DTYMK: variants seen among roughly 807,000 people sequenced by gnomAD.
DTYMK encodes the protein thymidylate kinase.
A neutral mutation model predicts 20.3 loss-of-function variants in DTYMK; 20 were observed. The observed-to-expected ratio is 0.99, with a 90% confidence interval of 0.69 to 1.43. The LOEUF is 1.43. Among genes scored for constraint, DTYMK ranks in the 40% most tolerant of loss-of-function variants. DTYMK has a pLI of 0.00. For missense variants in DTYMK, 320 were observed against 291.1 expected, an observed-to-expected ratio of 1.10 and a Z score of -0.72; for synonymous variants, 148 against 124.4, an observed-to-expected ratio of 1.19 and a Z score of -1.27.
In DTYMK at chr2:241,676,039, C is replaced by T; in HGVS notation, c.*88G>A. Reference sequence around the variant, plus strand: ...GAAAGAGCTCCTGAAGTTGTGGGGTCTGGACTCTGCTGGGGACGGGGCCTT... The same window carrying T: ...GAAAGAGCTCCTGAAGTTGTGGGGTTTGGACTCTGCTGGGGACGGGGCCTT... On this transcript the variant is annotated 3_prime_UTR_variant, in exon 5 of 5. Coordinates refer to ENST00000305784, the MANE Select transcript of DTYMK (RefSeq NM_012145.4). 7.9e-7 allele frequency: 1 copy of T among 1,259,452 alleles called. No homozygotes were observed. The highest frequency in any genetic ancestry group is 2.6e-5 in the East Asian group (1 of 38,370). The allele number at this position is 1,259,452 out of a possible 1,614,324, so 78.0% of individuals were successfully genotyped here. A position where few individuals can be genotyped will look rare whatever the true frequency, so the allele number is the denominator to read the frequency against.
chr2:241,680,678 A>G (rs2069237768), intron 2 of DTYMK, among the ~76,000 whole-genome samples: 1 of 152,164 alleles, frequency 6.6e-6, no homozygotes, highest in South Asian at 2.1e-4. Context: ...ATCTCAAAAA[A>G]AGAAAAAGAA....
chr2:241,681,970 G>C (rs1398905648), intron 2 of DTYMK: 4 of 276,770 alleles, frequency 1.4e-5, no homozygotes, highest in Non-Finnish European at 2.8e-5. Context: ...CTTGAACCCA[G>C]GAGTTTAAGG....
intron 2 of DTYMK, chr2:241,684,809 T>C: frequency 2.3e-6 from 1 of 442,238 alleles, no homozygotes; most frequent in Non-Finnish European, 4.6e-6. Context: ...CAGTTACTAA[T>C]GTATCAATAT....
chr2:241,676,343 G>A, intron 4 of DTYMK, 106 bp from the exon 5 acceptor site: 1 of 1,052,868 alleles, frequency 9.5e-7, no homozygotes, highest in Non-Finnish European at 1.4e-6. Flanking sequence ...GCCCACGAGG[G>A]AGGACTGCTT....
intron 3 of DTYMK, 52 bp downstream of exon 3, chr2:241,680,177 T>C: frequency 6.3e-7 from 1 of 1,585,824 alleles, no homozygotes; most frequent in Non-Finnish European, 8.7e-7. Context: ...TCAAGGGCAG[T>C]CCTGGGTCCA....
chr2:241,676,227 GCATC>G lies in DTYMK; in HGVS notation c.535_538del (p.Asp179LeufsTer142), dbSNP rs2069113651. The G allele has an allele frequency of 1.2e-6, 2 of 1,611,386 alleles. No homozygotes were observed. Among genetic ancestry groups the G allele is most frequent in the Admixed American group, 1.7e-5 (1 of 59,824 alleles). ...ATGGACAGCTTCGATGCTTTTGGAA[GCATC>G]CACCATCTGTTCCCACCGGGGTTTC... On this transcript the variant is annotated frameshift_variant, in exon 5 of 5. Transcript: ENST00000305784. LOFTEE classifies it low-confidence loss of function (END_TRUNC).
At chr2:241,686,525 G>C in intron 1 of DTYMK, 129 bp downstream of exon 1, 1 of 1,312,050 alleles carries the variant, frequency 7.6e-7, no homozygotes, top group Non-Finnish European at 9.8e-7. Flanking sequence ...CACAGGGAAA[G>C]CCCGTCTTTC....
At chr2:241,681,794 C>T (rs2069264209) in intron 2 of DTYMK, 1 of 155,872 alleles carries the variant, frequency 6.4e-6, no homozygotes, top group Admixed American at 6.4e-5. Context: ...GAGCCCAGCA[C>T]TTTTGGAAGC....
At chr2:241,678,804 G>A (rs920161280) in intron 3 of DTYMK, among the ~76,000 whole-genome samples, 155 bp from the exon 4 acceptor site, 1 of 152,178 alleles carries the variant, frequency 6.6e-6, no homozygotes, top group African/African-American at 2.4e-5. Flanking sequence ...AACCTCAAAC[G>A]TGTCGGTTTC....
intron 3 of DTYMK, 47 bp downstream of exon 3, chr2:241,680,182 G>A (rs1331789972): frequency 1.3e-6 from 2 of 1,594,028 alleles, no homozygotes; most frequent in Non-Finnish European, 1.7e-6. Flanking sequence ...GGCAGTCCTG[G>A]GTCCACACAT....
chr2:241,686,593 G>C, intron 1 of DTYMK, 61 bp downstream of exon 1: 1 of 1,425,588 alleles, frequency 7.0e-7, no homozygotes, highest in Non-Finnish European at 9.1e-7. Context: ...GCGGAGCAAA[G>C]AGCCCCTGGG....
chr2:241,685,552 G>T (rs2069369195), intron 2 of DTYMK: 1 of 455,792 alleles, frequency 2.2e-6, no homozygotes, highest in Admixed American at 3.4e-5. Context: ...AAGTCTATTA[G>T]TTATGGGGTG....
chr2:241,684,298 CAGA>C (rs2069328829), intron 2 of DTYMK, among the ~76,000 whole-genome samples: 2 of 152,130 alleles, frequency 1.3e-5, no homozygotes, highest in South Asian at 2.1e-4. Flanking sequence ...AAAGCAAAAT[CAGA>C]AGAACAATTG....
At chr2:241,678,313 C>G in intron 4 of DTYMK, 139 bp downstream of exon 4, 1 of 1,213,092 alleles carries the variant, frequency 8.2e-7, no homozygotes, top group Non-Finnish European at 1.1e-6. Context: ...AACCCCTGAA[C>G]GACTACTCCC....
At chr2:241,686,517 C>G (rs1422663862) in intron 1 of DTYMK, 137 bp downstream of exon 1, 2 of 1,303,348 alleles carry the variant, frequency 1.5e-6, no homozygotes, top group Middle Eastern at 2.8e-4. Context: ...CTGGGCGACA[C>G]AGGGAAAGCC....
chr2:241,680,419 A>G (rs982184270), intron 2 of DTYMK, 100 bp from the exon 3 acceptor site: 98 of 1,303,676 alleles, frequency 7.5e-5, no homozygotes, highest in Non-Finnish European at 1.0e-4. Flanking sequence ...GCTCACCCCT[A>G]TAATCCCAGC....
rs183105065 is a variant in DTYMK at position 241,680,205 on chromosome 2, G to C, written c.330+24C>G. ...TGGGTCCACACATCTGTGCTCGCCT[G>C]ACAGGAGGCCAAGTGGCACTCACCT... On this transcript the variant is annotated intron_variant, in intron 3 of 4. Transcript: ENST00000305784. The C allele has an allele frequency of 1.4e-4, 219 of 1,612,986 alleles. No individual in the cohort carries two copies. In the East Asian group the frequency reaches 3.7e-3, roughly 27 times the overall value.
At chr2:241,681,155 G>A (rs1272246701) in intron 2 of DTYMK, among the ~76,000 whole-genome samples, 1 of 152,194 alleles carries the variant, frequency 6.6e-6, no homozygotes, top group African/African-American at 2.4e-5. Context: ...TGACACTAGT[G>A]AGAAGCACTG....
rs199820164 is a variant in DTYMK at position 241,683,368 on chromosome 2, C to A, written c.239+2401G>T. Among the ~76,000 whole-genome samples the A allele has an allele frequency of 2.6e-5, 4 of 152,326 alleles. No individual in the cohort carries two copies. In the East Asian group the frequency reaches 7.7e-4, roughly 29 times the overall value. ...GACAGTTCACCACAAGCTTGTCCAA[C>A]CCAAGGCCCGCAGGCTGCATGCAGC... On this transcript the variant is annotated intron_variant, in intron 2 of 4. Transcript: ENST00000305784.
Sources: allele counts gnomAD v4.1 joint callset (sites outside exome capture counted in the v4.1 genomes callset), GRCh38; gene constraint gnomAD v4.1.1; transcripts MANE v1.5; gene names NCBI Gene and HGNC (gene_info 2026-07-23, HGNC 2026-07-21).